ODAD2: variants seen among roughly 807,000 people sequenced by gnomAD.
ODAD2 encodes outer dynein arm docking complex subunit 2, also known as outer dynein arm-docking complex subunit 2.
In ODAD2, 89 loss-of-function variants were observed where a neutral mutation model predicts 106.8. The ratio of observed to expected loss-of-function variants is 0.83; its 90% CI spans 0.70 to 0.99. The LOEUF is 0.99. ODAD2 is among the 50% of genes least tolerant of loss of function. The pLI is 0.00. For missense variants in ODAD2, 1,168 were observed against 1,238.5 expected, an observed-to-expected ratio of 0.94 and a Z score of 0.85; for synonymous variants, 404 against 436.2, an observed-to-expected ratio of 0.93 and a Z score of 0.92.
At chr10:27,840,376 A>G (rs1164280086) in intron 19 of ODAD2, among the ~76,000 whole-genome samples, 1 of 152,228 alleles carries the variant, frequency 6.6e-6, no homozygotes, top group Non-Finnish European at 1.5e-5. Flanking sequence ...TTAAATTCTG[A>G]GTTGTCACTT....
intron 17 of ODAD2, among the ~76,000 whole-genome samples, chr10:27,864,421 A>C (rs1840283788): frequency 6.7e-6 from 1 of 149,318 alleles, no homozygotes; most frequent in Admixed American, 6.8e-5. Context: ...AAAAAAAAAC[A>C]GGCTGGAAGT....
chr10:27,902,246 C>A (rs946172568), intron 17 of ODAD2, among the ~76,000 whole-genome samples: 4 of 152,108 alleles, frequency 2.6e-5, no homozygotes, highest in African/African-American at 9.7e-5. Context: ...TAAATAAGTT[C>A]TTTGAAATCG....
rs147754381 is a variant in ODAD2, at chr10:27,876,436, G to A, written c.2611-13814C>T. Among the ~76,000 whole-genome samples the A allele has an allele frequency of 6.5e-3, 983 of 152,320 alleles. 7 individuals carry two copies. The highest frequency in any genetic ancestry group is 0.01 in the Non-Finnish European group (706 of 68,014). On this transcript the variant is annotated intron_variant, in intron 17 of 19. Coordinates refer to ENST00000305242, the MANE Select transcript of ODAD2 (RefSeq NM_018076.5). ...CACTGCTGATACCCAGGCAAACAGC[G>A]TCTGGAGTGGACCTCCAGCAAACTC...
chr10:27,845,864 A>G (rs929501469), intron 19 of ODAD2, among the ~76,000 whole-genome samples: 3 of 152,218 alleles, frequency 2.0e-5, no homozygotes, highest in Admixed American at 2.0e-4. Flanking sequence ...ATTCAACAAG[A>G]AGAGCTAACT....
chr10:27,823,858 AGGCCGGGCGCG>A (rs1836808215), intron 19 of ODAD2, among the ~76,000 whole-genome samples: 2 of 147,328 alleles, frequency 1.4e-5, no homozygotes, highest in Admixed American at 6.7e-5. Flanking sequence ...AAAATAGTTC[AGGCCGGGCGCG>A]GTGGCTCACG....
chr10:27,965,558 A>G (rs4749286), intron 9 of ODAD2, among the ~76,000 whole-genome samples: 84,557 of 152,012 alleles, frequency 0.56, 23,805 homozygotes, highest in Middle Eastern at 0.66. Context: ...GGACTCATTC[A>G]AGTTTGCATT....
Position 27,976,201 on chromosome 10 carries a change from C to A in ODAD2, c.937-4888G>T, listed in dbSNP as rs543485248. On this transcript the variant is annotated intron_variant, in intron 7 of 19. Transcript: ENST00000305242. ...TCCCTGTAATATCAGGAACAAGAGACCATTTCTATTCAATTTTTTACTGGT... is the reference window on the plus strand; with the variant it reads ...TCCCTGTAATATCAGGAACAAGAGAACATTTCTATTCAATTTTTTACTGGT... 1.9e-4 allele frequency among the ~76,000 whole-genome samples: 28 copies of A among 150,756 alleles called. No homozygotes were observed. The South Asian group carries it at 5.9e-3, about 32-fold the overall frequency.
chr10:27,922,234 T>C (rs1844850028), intron 16 of ODAD2, among the ~76,000 whole-genome samples: 1 of 151,602 alleles, frequency 6.6e-6, no homozygotes, highest in African/African-American at 2.4e-5. Flanking sequence ...ACTTTATATC[T>C]AGCAAGGCTG....
rs373452280 is a variant in ODAD2, at chr10:27,920,732, G to A, written c.2496-12955C>T. The stretch of plus-strand genomic sequence containing the variant: ...TGCATAAACCCTGAAAGGTCACGAA[G>A]ACTTGTTCTGTGGCAAAAGACATAT... On this transcript the variant is annotated intron_variant, in intron 16 of 19. Transcript: ENST00000305242. Among the ~76,000 whole-genome samples, 4 of 152,146 alleles carry A rather than the reference G, an allele frequency of 2.6e-5. No homozygotes were observed. The East Asian group carries it at 7.7e-4, about 29-fold the overall frequency.
Position 27,812,631 on chromosome 10 carries a change from A to C in ODAD2, c.3022-6T>G, listed in dbSNP as rs750988855. On this transcript the variant is annotated splice_polypyrimidine_tract_variant and splice_region_variant and intron_variant, in intron 19 of 19. Coordinates refer to ENST00000305242, the MANE Select transcript of ODAD2 (RefSeq NM_018076.5). ...CCAACCATATCCAGTAGAAGCTGTC[A>C]CACATAAGGAGGAGAAGAAGGGACA... 6 of 1,576,792 alleles carry C rather than the reference A, an allele frequency of 3.8e-6. No individual in the cohort carries two copies. The South Asian group carries it at 7.2e-5, about 19-fold the overall frequency.
At chr10:27,928,675 C>T (rs1431797609) in intron 16 of ODAD2, among the ~76,000 whole-genome samples, 2 of 152,100 alleles carry the variant, frequency 1.3e-5, no homozygotes, top group Non-Finnish European at 2.9e-5. Context: ...AAGAGAAACA[C>T]AATCAAGAGG....
At chr10:27,940,970 CA>C in intron 12 of ODAD2, among the ~76,000 whole-genome samples, 165 bp from the exon 13 acceptor site, 1 of 152,160 alleles carries the variant, frequency 6.6e-6, no homozygotes, top group East Asian at 1.9e-4. Context: ...AGCAAAGAAA[CA>C]AAACCCTACA....
At chr10:27,850,492 G>A (rs1839177674) in intron 19 of ODAD2, among the ~76,000 whole-genome samples, 3 of 151,330 alleles carry the variant, frequency 2.0e-5, no homozygotes, top group South Asian at 4.2e-4. Context: ...GGGAGGCGGA[G>A]GTTGTAGTGA....
At chr10:27,973,983 T>C (rs1267736689) in intron 7 of ODAD2, among the ~76,000 whole-genome samples, 2 of 152,238 alleles carry the variant, frequency 1.3e-5, no homozygotes, top group South Asian at 2.1e-4. Context: ...TTCTGACTGG[T>C]GTAAGATGAT....
At chr10:27,844,258 G>A (rs2225713) in intron 19 of ODAD2, among the ~76,000 whole-genome samples, 6,819 of 152,294 alleles carry the variant, frequency 0.045, 497 homozygotes, top group African/African-American at 0.15. Context: ...AGCAGCAAAG[G>A]AGGTTGGAAA....
At chr10:27,864,346 G>A (rs1334408185) in intron 17 of ODAD2, among the ~76,000 whole-genome samples, 1 of 147,128 alleles carries the variant, frequency 6.8e-6, no homozygotes, top group Non-Finnish European at 1.5e-5. Flanking sequence ...TTTGAATGAA[G>A]TACCCACAGA....
chr10:27,865,045 C>G (rs112737906), intron 17 of ODAD2, among the ~76,000 whole-genome samples: 5 of 152,212 alleles, frequency 3.3e-5, no homozygotes, highest in African/African-American at 1.2e-4. Flanking sequence ...CATCTCCATA[C>G]CCACCAAATT....
At chr10:27,906,975 C>A (rs950472461) in intron 17 of ODAD2, among the ~76,000 whole-genome samples, 2 of 152,006 alleles carry the variant, frequency 1.3e-5, no homozygotes, top group African/African-American at 2.4e-5. Context: ...AACAAACCTG[C>A]ACGTTCTGCA....
chr10:27,998,661 C>A (rs1394901855), intron 1 of ODAD2, among the ~76,000 whole-genome samples: 1 of 149,928 alleles, frequency 6.7e-6, no homozygotes, highest in African/African-American at 2.5e-5. Flanking sequence ...GGGAAGGGGG[C>A]GGGTCTTGGT....
Sources: gnomAD v4.1 joint callset for allele counts (sites outside exome capture counted in the v4.1 genomes callset) on GRCh38, gnomAD v4.1.1 for gene constraint, MANE v1.5 for transcripts, NCBI Gene and HGNC (gene_info 2026-07-23, HGNC 2026-07-21) for gene names.